The following MTRFR variants were observed in gnomAD, a reference collection of about 807,000 sequenced individuals.
MTRFR encodes mitochondrial translation release factor in rescue, also known as probable peptide chain release factor C12orf65, mitochondrial.
MTRFR carries 10 observed loss-of-function variants against 11.9 expected under a neutral mutation model. The observed-to-expected ratio is 0.84, with a 90% CI of 0.52 to 1.42. The LOEUF is 1.42. Ranked by LOEUF, MTRFR falls within the 40% of genes most tolerant of loss-of-function variation. MTRFR has a pLI of 0.00. For missense variants in MTRFR, 196 were observed against 197.9 expected (o/e 0.99, Z 0.06); for synonymous variants, 77 against 79.1 (o/e 0.97, Z 0.14).
At chr12:123,239,175 G>A (rs774355401) in intron 1 of MTRFR, among the ~76,000 whole-genome samples, 2 of 152,136 alleles carry the variant, frequency 1.3e-5, no homozygotes, top group Admixed American at 6.6e-5. Context: ...AGGCTGCGGT[G>A]AGAGGATGGC....
intron 1 of MTRFR, chr12:123,249,127 C>G (rs886170444): frequency 6.6e-6 from 1 of 151,906 alleles, no homozygotes; most frequent in African/African-American, 2.4e-5. Flanking sequence ...TTGAGCTAGA[C>G]ACAGGGTGCT....
At chr12:123,247,349 T>C (rs1173476594) in intron 1 of MTRFR, among the ~76,000 whole-genome samples, 1 of 152,224 alleles carries the variant, frequency 6.6e-6, no homozygotes, top group African/African-American at 2.4e-5. Context: ...TAGGTTCATA[T>C]ATGTTTAGGA....
intron 1 of MTRFR, chr12:123,250,096 T>G (rs1415645631): frequency 6.6e-6 from 1 of 152,220 alleles, no homozygotes; most frequent in Non-Finnish European, 1.5e-5. Flanking sequence ...TTGTCTTTGT[T>G]GGATTGGGTT....
At position 123,253,733 on chromosome 12, in the gene MTRFR, C is replaced by T. The variant is rs1005139733; in HGVS notation, c.59C>T (p.Pro20Leu). The T allele has an allele frequency of 1.2e-6, 2 of 1,614,186 alleles. No homozygotes were observed. Among genetic ancestry groups the T allele is most frequent in the Non-Finnish European group, 8.5e-7 (1 of 1,180,038 alleles). ...CCACTGACCCGAATATGCCCGGCGC[C>T]ATGGGGACTCCGGCTTTGGGAGAAG... is the stretch of plus-strand genomic sequence containing the variant. ...PTPLTRICPA[P>L]WGLRLWEKLT... Residue 20 changes from proline to leucine, a missense_variant, in exon 2 of 3, where the codon CCA (proline) becomes CTA (leucine). By Grantham distance (98) the Pro-to-Leu change is moderately conservative. Transcript: ENST00000253233.
At chr12:123,234,688 C>A (rs183567175) in intron 1 of MTRFR, among the ~76,000 whole-genome samples, 1 of 152,304 alleles carries the variant, frequency 6.6e-6, no homozygotes, top group East Asian at 1.9e-4. Context: ...TGAGCCACCA[C>A]GCCTGGCAAT....
At chr12:123,245,683 A>T (rs1023885248) in intron 1 of MTRFR, among the ~76,000 whole-genome samples, 5 of 151,996 alleles carry the variant, frequency 3.3e-5, no homozygotes, top group Non-Finnish European at 5.9e-5. Context: ...AAGGGGGTTG[A>T]GTTCTTGATT....
intron 1 of MTRFR, among the ~76,000 whole-genome samples, chr12:123,242,895 C>T (rs1055612255): frequency 5.9e-5 from 9 of 152,158 alleles, no homozygotes; most frequent in African/African-American, 1.2e-4. Context: ...CTCAGAAGTG[C>T]GGGGCTCATG....
chr12:123,249,489 G>C (rs996954206), intron 1 of MTRFR: 2 of 152,784 alleles, frequency 1.3e-5, no homozygotes, highest in East Asian at 3.8e-4. Context: ...GAGGCCCAGC[G>C]AGAATTCAAG....
In MTRFR at chr12:123,247,247, A is replaced by G. The variant is rs141012046; in HGVS notation, c.-28-6400A>G. Among the ~76,000 whole-genome samples the G allele has an allele frequency of 7.5e-3, 1,143 of 152,256 alleles. 20 individuals carry two copies. Among genetic ancestry groups the G allele is most frequent in the African/African-American group, 0.025 (1,051 of 41,528 alleles). On this transcript the variant is annotated intron_variant, in intron 1 of 2. Transcript: ENST00000253233. The stretch of plus-strand genomic sequence containing the variant: ...ATGACCTGTCTAGTGCTGTCAGTGG[A>G]GTACTGAAGTCCCCCACTATTATTG...
intron 1 of MTRFR, chr12:123,248,901 G>C (rs1425627903): frequency 6.6e-6 from 1 of 152,222 alleles, no homozygotes; most frequent in African/African-American, 2.4e-5. Context: ...GACACAGAGT[G>C]CTGACTGGTG....
chr12:123,248,764 T>G (rs900341833), intron 1 of MTRFR: 1 of 152,196 alleles, frequency 6.6e-6, no homozygotes, highest in East Asian at 1.9e-4. Flanking sequence ...GTTTATTCCC[T>G]TATCTGACCC....
At chr12:123,255,617 C>T (rs1565998682) in intron 2 of MTRFR, among the ~76,000 whole-genome samples, 1 of 151,970 alleles carries the variant, frequency 6.6e-6, no homozygotes, top group East Asian at 1.9e-4. Context: ...CCACCACACT[C>T]AGTGTTTTTT....
chr12:123,237,148 G>A (rs2047864120), intron 1 of MTRFR, among the ~76,000 whole-genome samples: 1 of 151,736 alleles, frequency 6.6e-6, no homozygotes, highest in Non-Finnish European at 1.5e-5. Flanking sequence ...TGGATTCAAA[G>A]TTTTCTGCTT....
intron 1 of MTRFR, among the ~76,000 whole-genome samples, chr12:123,238,773 G>C (rs1453723279): frequency 6.6e-6 from 1 of 152,022 alleles, no homozygotes; most frequent in African/African-American, 2.4e-5. Context: ...GTCAGAGCAG[G>C]GCCTGAAATC....
chr12:123,237,650 G>A (rs2138743414), intron 1 of MTRFR, among the ~76,000 whole-genome samples: 1 of 152,226 alleles, frequency 6.6e-6, no homozygotes, highest in East Asian at 1.9e-4. Context: ...TTCCTTGTTT[G>A]AGAAATAACT....
At chr12:123,245,654 C>G (rs1168076322) in intron 1 of MTRFR, among the ~76,000 whole-genome samples, 2 of 151,868 alleles carry the variant, frequency 1.3e-5, no homozygotes, top group Non-Finnish European at 2.9e-5. Context: ...TGTTGTTGTT[C>G]GTTTTTGCAG....
chr12:123,235,037 C>T (rs2047821095), intron 1 of MTRFR, among the ~76,000 whole-genome samples: 1 of 152,258 alleles, frequency 6.6e-6, no homozygotes, highest in South Asian at 2.1e-4. Context: ...AAACAAAGGC[C>T]GATGAAATAA....
chr12:123,237,847 CA>C (rs2095218511), intron 1 of MTRFR, among the ~76,000 whole-genome samples: 1 of 152,014 alleles, frequency 6.6e-6, no homozygotes, highest in African/African-American at 2.4e-5. Context: ...ATGTGAAAGA[CA>C]GGGAAATGCT....
intron 1 of MTRFR, chr12:123,253,414 G>T (rs1213711765): frequency 2.1e-6 from 1 of 475,772 alleles, no homozygotes; most frequent in Non-Finnish European, 3.9e-6. Flanking sequence ...TTGGTCTATT[G>T]CAAGAAAATA....
Sources: gnomAD v4.1 joint callset for allele counts (sites outside exome capture counted in the v4.1 genomes callset) on GRCh38, gnomAD v4.1.1 for gene constraint, MANE v1.5 for transcripts, NCBI Gene and HGNC (gene_info 2026-07-23, HGNC 2026-07-21) for gene names.